Variants in ARHGAP15 observed in about 807,000 individuals in gnomAD.
The protein encoded by ARHGAP15 is Rho GTPase activating protein 15.
Under a neutral mutation model 63.7 loss-of-function variants are expected in ARHGAP15, and 51 were observed. That is an observed-to-expected ratio of 0.80 (90% CI 0.64 to 1.01). The LOEUF (loss-of-function observed/expected upper bound fraction) is 1.01. Ranked by LOEUF, ARHGAP15 falls within the 50% of genes least tolerant of loss-of-function variation. ARHGAP15 has a pLI of 0.00. For synonymous variants in ARHGAP15, 191 were observed against 193.8 expected (o/e 0.99, Z 0.12); for missense variants, 560 against 564.6 (o/e 0.99, Z 0.08).
intron 12 of ARHGAP15, among the ~76,000 whole-genome samples, chr2:143,678,688 T>C (rs1048713351): frequency 6.6e-6 from 1 of 152,242 alleles, no homozygotes; most frequent in Non-Finnish European, 1.5e-5. Context: ...GTCATGATTC[T>C]ATATTCTGTG....
intron 2 of ARHGAP15, among the ~76,000 whole-genome samples, chr2:143,157,592 T>C (rs1470712117): frequency 2.6e-5 from 4 of 151,742 alleles, no homozygotes. Flanking sequence ...GTGTGCTCAG[T>C]GCATAATTAT....
rs78845896 is a variant in ARHGAP15 at position 143,336,648 on chromosome 2, A to G, written c.474+86048A>G. 2.5e-3 allele frequency among the ~76,000 whole-genome samples: 381 copies of G among 152,140 alleles called. 9 individuals carry two copies. The East Asian group carries it at 0.067, about 27-fold the overall frequency. Reference sequence around the variant, plus strand: ...ATGTGGGTATGAAAGGCCCCAGGGAACTACCCTGTAGTTCTCTTTCCACTT... The same window carrying G: ...ATGTGGGTATGAAAGGCCCCAGGGAGCTACCCTGTAGTTCTCTTTCCACTT... On this transcript the variant is annotated intron_variant, in intron 6 of 13. Coordinates refer to ENST00000295095, the MANE Select transcript of ARHGAP15 (RefSeq NM_018460.4).
At chr2:143,415,563 A>G (rs1297889885) in intron 6 of ARHGAP15, among the ~76,000 whole-genome samples, 1 of 152,224 alleles carries the variant, frequency 6.6e-6, no homozygotes, top group African/African-American at 2.4e-5. Flanking sequence ...TTGGGACACC[A>G]TTCTCACCTA....
At chr2:143,236,002 T>C in intron 5 of ARHGAP15, 1 of 1,538,986 alleles carries the variant, frequency 6.5e-7, no homozygotes, top group African/African-American at 1.4e-5. Context: ...ATTTGGCAAA[T>C]CTCCATTTTT....
chr2:143,286,068 T>C (rs972736681), intron 6 of ARHGAP15, among the ~76,000 whole-genome samples: 2 of 152,228 alleles, frequency 1.3e-5, no homozygotes, highest in African/African-American at 4.8e-5. Context: ...TTGAACAAAC[T>C]CTGTTGTGAT....
At chr2:143,662,106 C>T (rs1681836945) in intron 12 of ARHGAP15, among the ~76,000 whole-genome samples, 4 of 152,256 alleles carry the variant, frequency 2.6e-5, no homozygotes, top group South Asian at 4.1e-4. Context: ...TAGGCTCCAC[C>T]TCTGGGGGCA....
At chr2:143,182,215 G>A (rs567979645) in intron 2 of ARHGAP15, among the ~76,000 whole-genome samples, 47 of 152,084 alleles carry the variant, frequency 3.1e-4, no homozygotes, top group African/African-American at 9.9e-4. Context: ...TGCCCACCTC[G>A]GTCTCCCAAA....
intron 8 of ARHGAP15, among the ~76,000 whole-genome samples, chr2:143,475,768 A>G (rs112670767): frequency 9.6e-4 from 147 of 152,364 alleles, no homozygotes; most frequent in African/African-American, 3.4e-3. Flanking sequence ...ACAAGACCCA[A>G]AGGAATCCTT....
chr2:143,486,068 A>C (rs1692310463), intron 8 of ARHGAP15, among the ~76,000 whole-genome samples: 2 of 152,164 alleles, frequency 1.3e-5, no homozygotes, highest in African/African-American at 4.8e-5. Flanking sequence ...GGATGCAAAA[A>C]TTCCCTTTCT....
intron 6 of ARHGAP15, among the ~76,000 whole-genome samples, chr2:143,327,177 A>G (rs1296501547): frequency 3.3e-5 from 5 of 152,184 alleles, no homozygotes; most frequent in African/African-American, 1.2e-4. Context: ...AGATAATAAA[A>G]TACCTAGTAG....
At chr2:143,687,186 G>A (rs1479765239) in intron 12 of ARHGAP15, among the ~76,000 whole-genome samples, 1 of 151,946 alleles carries the variant, frequency 6.6e-6, no homozygotes, top group Non-Finnish European at 1.5e-5. Context: ...AAGAAAAGAG[G>A]GATTGATATG....
chr2:143,691,159 C>T (rs916212476), intron 12 of ARHGAP15, among the ~76,000 whole-genome samples: 3 of 152,150 alleles, frequency 2.0e-5, no homozygotes, highest in African/African-American at 7.2e-5. Flanking sequence ...TTTGCCATTA[C>T]ATATTGCACA....
intron 6 of ARHGAP15, among the ~76,000 whole-genome samples, chr2:143,304,257 T>G (rs1483018447): frequency 6.6e-6 from 1 of 152,128 alleles, no homozygotes; most frequent in East Asian, 1.9e-4. Context: ...ATATACACCA[T>G]GGAATACTAT....
intron 11 of ARHGAP15, among the ~76,000 whole-genome samples, chr2:143,609,299 T>C (rs1698164582): frequency 6.6e-6 from 1 of 152,226 alleles, no homozygotes; most frequent in South Asian, 2.1e-4. Context: ...TTTTTGCTTT[T>C]GTACATCAAC....
At chr2:143,384,473 A>G (rs980969291) in intron 6 of ARHGAP15, among the ~76,000 whole-genome samples, 1 of 152,086 alleles carries the variant, frequency 6.6e-6, no homozygotes, top group African/African-American at 2.4e-5. Context: ...GAGACTAACT[A>G]AATTAGCTAT....
At position 143,403,300 on chromosome 2, in the gene ARHGAP15, A is replaced by G. The variant is rs186312418; in HGVS notation, c.475-32301A>G. ...GTATATTATTTTCTTTCAACACTCCACTTGCCAATGCCTGTCTTCCTTAAA... is the reference window on the plus strand; with the variant it reads ...GTATATTATTTTCTTTCAACACTCCGCTTGCCAATGCCTGTCTTCCTTAAA... On this transcript the variant is annotated intron_variant, in intron 6 of 13. Transcript: ENST00000295095. Among the ~76,000 whole-genome samples the G allele has an allele frequency of 2.2e-4, 34 of 151,850 alleles. No homozygotes were observed. The East Asian group carries it at 6.0e-3, about 27-fold the overall frequency.
chr2:143,584,181 C>T (rs1383985658), intron 11 of ARHGAP15, among the ~76,000 whole-genome samples: 1 of 152,062 alleles, frequency 6.6e-6, no homozygotes, highest in Non-Finnish European at 1.5e-5. Flanking sequence ...AAAAACTGGC[C>T]AGATAATCAG....
At chr2:143,759,536 G>A (rs1012338432) in intron 13 of ARHGAP15, among the ~76,000 whole-genome samples, 3 of 152,078 alleles carry the variant, frequency 2.0e-5, no homozygotes, top group African/African-American at 7.2e-5. Context: ...CCAAAGAAAT[G>A]ATTTCCATCA....
At chr2:143,728,749 A>C (rs1685399252) in intron 13 of ARHGAP15, among the ~76,000 whole-genome samples, 1 of 152,140 alleles carries the variant, frequency 6.6e-6, no homozygotes, top group Non-Finnish European at 1.5e-5. Context: ...CCCCGCCTTC[A>C]GGGACCCCGG....
Sources: gnomAD v4.1 joint callset for allele counts (sites outside exome capture counted in the v4.1 genomes callset) on GRCh38, gnomAD v4.1.1 for gene constraint, MANE v1.5 for transcripts, NCBI Gene and HGNC (gene_info 2026-07-23, HGNC 2026-07-21) for gene names.